ATRNL1: variants seen among roughly 807,000 people sequenced by gnomAD.
ATRNL1 encodes attractin like 1.
ATRNL1 carries 95 observed loss-of-function variants against 182.7 expected under a neutral mutation model. The ratio of observed to expected loss-of-function variants is 0.52; its 90% CI spans 0.44 to 0.62. ATRNL1 has a LOEUF of 0.62. Ranked by LOEUF, ATRNL1 falls within the 20% of genes least tolerant of loss-of-function variation. The probability of loss-of-function intolerance (pLI) is 0.00; values close to 1 mark genes in which losing one functional copy is unlikely to be tolerated. For missense variants in ATRNL1, 1,471 were observed against 1,679.5 expected (o/e 0.88, Z 2.17); for synonymous variants, 576 against 568.3 (o/e 1.01, Z -0.19).
chr10:115,932,323 A>C (rs1483014221), intron 28 of ATRNL1, among the ~76,000 whole-genome samples: 2 of 152,176 alleles, frequency 1.3e-5, no homozygotes, highest in African/African-American at 4.8e-5. Flanking sequence ...GAAAGGTTTC[A>C]AGTCTGTTTT....
rs1413349352 is a variant in ATRNL1, at chr10:115,093,453, C to G, written c.-298C>G. ...TCCCCTCAGGAGCGCCGGGCGCAGT[C>G]TGCGCCTCCCGCTCCCCGCCTCCGG... On this transcript the variant is annotated 5_prime_UTR_variant, in exon 1 of 29. Transcript: ENST00000355044. The surrounding 1 kb of genome is among the most constrained non-coding windows in gnomAD (Gnocchi z 6.1). 7.5e-6 allele frequency: 4 copies of G among 534,840 alleles called. No homozygotes were observed. Among genetic ancestry groups the G allele is most frequent in the Non-Finnish European group, 1.0e-5 (3 of 294,706 alleles). 33.1% of individuals were successfully genotyped at this position (534,840 alleles called of 1,614,324 possible).
At chr10:115,841,538 T>C (rs1950808905) in intron 27 of ATRNL1, among the ~76,000 whole-genome samples, 1 of 152,114 alleles carries the variant, frequency 6.6e-6, no homozygotes, top group African/African-American at 2.4e-5. Context: ...GCATCCTGAT[T>C]CTGTGAAGAT....
intron 21 of ATRNL1, among the ~76,000 whole-genome samples, chr10:115,460,859 G>T (rs373185520): frequency 6.6e-6 from 1 of 151,946 alleles, no homozygotes; most frequent in East Asian, 1.9e-4. Flanking sequence ...TATCTCTAGG[G>T]CCTAGAACAC....
Position 115,627,997 on chromosome 10 carries a change from A to AT in ATRNL1, c.3795+78463dup, listed in dbSNP as rs1405455104. Reference sequence around the variant, plus strand: ...CCAGCTCTACTAAAAAAATACAAAAATTAGCTGGGCATGGTGGTGTGCACC... The same window carrying AT: ...CCAGCTCTACTAAAAAAATACAAAAATTTAGCTGGGCATGGTGGTGTGCACC... On this transcript the variant is annotated intron_variant, in intron 26 of 28. Transcript: ENST00000355044. 2.0e-5 allele frequency among the ~76,000 whole-genome samples: 3 copies of AT among 152,134 alleles called. No individual in the cohort carries two copies. The East Asian group carries it at 5.8e-4, about 30-fold the overall frequency.
At chr10:115,620,060 A>G (rs1323935724) in intron 26 of ATRNL1, among the ~76,000 whole-genome samples, 21 of 152,222 alleles carry the variant, frequency 1.4e-4, no homozygotes, top group Admixed American at 1.4e-3. Context: ...ACTTATAAAT[A>G]AAAGAGGTTT....
intron 28 of ATRNL1, among the ~76,000 whole-genome samples, chr10:115,931,696 A>G (rs1329330218): frequency 6.6e-6 from 1 of 152,198 alleles, no homozygotes; most frequent in African/African-American, 2.4e-5. Context: ...AACGAAGAAA[A>G]CAAAGTTTTC....
intron 8 of ATRNL1, among the ~76,000 whole-genome samples, chr10:115,173,930 A>G (rs1312234500): frequency 3.1e-4 from 16 of 51,142 alleles, no homozygotes; most frequent in Non-Finnish European, 5.9e-4. Context: ...TTTTCTGTAC[A>G]TGTCTTGTAT....
chr10:115,775,526 C>T (rs1183322078), intron 27 of ATRNL1, among the ~76,000 whole-genome samples: 2 of 152,048 alleles, frequency 1.3e-5, no homozygotes, highest in East Asian at 1.9e-4. Flanking sequence ...CCAAAGCTCT[C>T]GAGCAAAAGT....
In ATRNL1 at chr10:115,618,957, C is replaced by T. The variant is rs573810296; in HGVS notation, c.3795+69421C>T. ...GTAACTGTTGTTTCTTCCAGTGTTA[C>T]GAAATAGCTTTCATAGGATGTATTT... On this transcript the variant is annotated intron_variant, in intron 26 of 28. Transcript: ENST00000355044. 1.1e-4 allele frequency among the ~76,000 whole-genome samples: 17 copies of T among 152,208 alleles called. 1 individual carries two copies. The highest frequency in any genetic ancestry group is 5.2e-4 in the Admixed American group (8 of 15,286).
intron 26 of ATRNL1, among the ~76,000 whole-genome samples, chr10:115,564,474 T>C (rs1853951536): frequency 6.6e-6 from 1 of 152,012 alleles, no homozygotes; most frequent in Non-Finnish European, 1.5e-5. Flanking sequence ...TTTTAATAGA[T>C]GTATGTTTTT....
chr10:115,677,659 G>T (rs1430623753), intron 26 of ATRNL1, among the ~76,000 whole-genome samples: 1 of 152,030 alleles, frequency 6.6e-6, no homozygotes, highest in Non-Finnish European at 1.5e-5. Flanking sequence ...GGCCTCCCTA[G>T]CTATATGGGA....
intron 19 of ATRNL1, among the ~76,000 whole-genome samples, chr10:115,347,549 A>T (rs1269635596): frequency 1.3e-5 from 2 of 152,090 alleles, no homozygotes; most frequent in African/African-American, 4.8e-5. Context: ...AAATATACTT[A>T]TTAAAATTCA....
chr10:115,190,735 A>C (rs929234029), intron 8 of ATRNL1, among the ~76,000 whole-genome samples: 2 of 152,062 alleles, frequency 1.3e-5, no homozygotes, highest in African/African-American at 4.8e-5. Context: ...CTACTTGTTT[A>C]GTTATTTATT....
At chr10:115,502,938 A>G (rs142571350) in intron 24 of ATRNL1, among the ~76,000 whole-genome samples, 3 of 152,126 alleles carry the variant, frequency 2.0e-5, no homozygotes, top group African/African-American at 7.2e-5. Flanking sequence ...CTCCTCTGCG[A>G]TAGTTTTTGG....
At chr10:115,252,574 G>T (rs182255190) in intron 10 of ATRNL1, among the ~76,000 whole-genome samples, 20 of 152,340 alleles carry the variant, frequency 1.3e-4, no homozygotes, top group Admixed American at 5.2e-4. Flanking sequence ...AGTGTCAGAT[G>T]ATTCAGGAAA....
chr10:115,195,598 G>T (rs1554890857), intron 8 of ATRNL1, among the ~76,000 whole-genome samples: 1 of 151,918 alleles, frequency 6.6e-6, no homozygotes, highest in Admixed American at 6.6e-5. Flanking sequence ...ACTCAAATAA[G>T]TATTTGAGTA....
chr10:115,433,222 T>G (rs1242436215), intron 21 of ATRNL1, among the ~76,000 whole-genome samples: 2 of 152,102 alleles, frequency 1.3e-5, no homozygotes, highest in African/African-American at 4.8e-5. Context: ...AAAAGATGAC[T>G]TAAAATAGTA....
In ATRNL1 at chr10:115,171,219, T is replaced by C. The variant is rs782726109; in HGVS notation, c.1275T>C (p.Asp425=). The C allele has an allele frequency of 1.2e-6, 2 of 1,610,440 alleles. No individual in the cohort carries two copies. Among genetic ancestry groups the C allele is most frequent in the Non-Finnish European group, 1.7e-6 (2 of 1,177,638 alleles). Residue 425 remains aspartate (D), a synonymous_variant, in exon 8 of 29, where the codon GAT becomes GAC. Coordinates refer to ENST00000355044, the MANE Select transcript of ATRNL1 (RefSeq NM_207303.4). ...ATATTATGGAGTTGGATAGTAGAGATGTTGTCATGATCATAATATTTGGAT... is the reference window on the plus strand; with the variant it reads ...ATATTATGGAGTTGGATAGTAGAGACGTTGTCATGATCATAATATTTGGAT... ...SAHIMELDSR[D]VVMIIIFGYS...
At chr10:115,523,235 G>A (rs374705190) in intron 25 of ATRNL1, among the ~76,000 whole-genome samples, 3 of 152,182 alleles carry the variant, frequency 2.0e-5, no homozygotes, top group Admixed American at 6.5e-5. Context: ...GATGGGGCAT[G>A]GCAATGTTGT....
Sources: gnomAD v4.1 joint callset for allele counts (sites outside exome capture counted in the v4.1 genomes callset) on GRCh38, gnomAD v4.1.1 for gene constraint, Gnocchi (gnomAD v3.1) non-coding constraint, MANE v1.5 for transcripts, NCBI Gene and HGNC (gene_info 2026-07-23, HGNC 2026-07-21) for gene names.